KDELR3: variants seen among roughly 807,000 people sequenced by gnomAD.
KDELR3 encodes ER lumen protein-retaining receptor 3.
A neutral mutation model predicts 22.7 loss-of-function variants in KDELR3; 26 were observed. That is an observed-to-expected ratio of 1.15 (90% CI 0.84 to 1.59). KDELR3 has a LOEUF of 1.59. Among genes scored for constraint, KDELR3 ranks in the 40% most tolerant of loss-of-function variants. The probability of loss-of-function intolerance (pLI) is 0.00; values close to 1 mark genes in which losing one functional copy is unlikely to be tolerated. For synonymous variants in KDELR3, 120 were observed against 98.2 expected, an observed-to-expected ratio of 1.22 and a Z score of -1.31; for missense variants, 289 against 251.1, an observed-to-expected ratio of 1.15 and a Z score of -1.02.
At chr22:38,468,431 G>T (rs1302904948) in intron 1 of KDELR3, 107 bp downstream of exon 1, 3 of 851,124 alleles carry the variant, frequency 3.5e-6, no homozygotes, top group Non-Finnish European at 5.7e-6. Context: ...GGGGACTCCG[G>T]CGTGGGGGTC....
At chr22:38,470,962 C>T (rs756974336) in intron 1 of KDELR3, among the ~76,000 whole-genome samples, 3 of 151,958 alleles carry the variant, frequency 2.0e-5, no homozygotes, top group African/African-American at 7.3e-5. Flanking sequence ...TGGCACGTGG[C>T]GAAACCCCGT....
chr22:38,480,372 G>A (rs1021063968), intron 3 of KDELR3, among the ~76,000 whole-genome samples: 15 of 152,010 alleles, frequency 9.9e-5, no homozygotes, highest in African/African-American at 3.4e-4. Flanking sequence ...TCCAACTCCT[G>A]ACCTCAAGTG....
At chr22:38,478,534 C>CAA (rs138431) in intron 2 of KDELR3, among the ~76,000 whole-genome samples, 5,705 of 71,380 alleles carry the variant, frequency 0.08, 518 homozygotes, top group Middle Eastern at 0.12. Context: ...GACTCCATCT[C>CAA]AAAAAAAAAA....
Position 38,482,802 on chromosome 22 carries a change from A to G in KDELR3, c.*266A>G. ...GCAACAAGAAACCTTAAGGTGTCTT[A>G]CCGACGAAATAAAAAACATAAATGA... On this transcript the variant is annotated 3_prime_UTR_variant, in exon 5 of 5. Transcript: ENST00000216014. 1 of 472,432 alleles carries G rather than the reference A, an allele frequency of 2.1e-6. No homozygotes were observed. Among genetic ancestry groups the G allele is most frequent in the Non-Finnish European group, 3.7e-6 (1 of 267,486 alleles). The allele number at this position is 472,432 out of a possible 1,614,324, so 29.3% of individuals were successfully genotyped here. A position where few individuals can be genotyped will look rare whatever the true frequency, so the allele number is the denominator to read the frequency against.
intron 2 of KDELR3, 102 bp downstream of exon 2, chr22:38,474,725 G>A: frequency 1.1e-6 from 1 of 917,878 alleles, no homozygotes; most frequent in Non-Finnish European, 1.7e-6. Flanking sequence ...GCCGACCTGG[G>A]TTTGAATCCT....
At chr22:38,479,097 G>A (rs771889734) in intron 2 of KDELR3, among the ~76,000 whole-genome samples, 2 of 152,036 alleles carry the variant, frequency 1.3e-5, no homozygotes, top group Non-Finnish European at 2.9e-5. Flanking sequence ...AGGGATGTTA[G>A]CAGGCCATAA....
intron 1 of KDELR3, among the ~76,000 whole-genome samples, chr22:38,472,341 ATGG>A (rs1348989578): frequency 6.6e-6 from 1 of 151,880 alleles, no homozygotes; most frequent in Non-Finnish European, 1.5e-5. Context: ...GCCGGGCATG[ATGG>A]TGGGCGCCTG....
chr22:38,482,371 G>C, intron 4 of KDELR3, 125 bp from the exon 5 acceptor site: 1 of 775,566 alleles, frequency 1.3e-6, no homozygotes, highest in Non-Finnish European at 2.2e-6. Context: ...CTCCCCCTTT[G>C]CTTTAACAAT....
intron 3 of KDELR3, 106 bp downstream of exon 3, chr22:38,479,857 A>G (rs2145969784): frequency 1.0e-6 from 1 of 1,003,310 alleles, no homozygotes; most frequent in Admixed American, 2.2e-5. Flanking sequence ...ACCATTACTC[A>G]TGTATCTTTC....
Position 38,469,497 on chromosome 22 carries a change from G to A in KDELR3, c.91+1173G>A, listed in dbSNP as rs532065624. The stretch of plus-strand genomic sequence containing the variant: ...TTGGTGCAGACATGAGCAACAGTAC[G>A]GTGTGGAGGGAGTGGTTCTAGGCCT... On this transcript the variant is annotated intron_variant, in intron 1 of 4. Transcript: ENST00000216014. 5.9e-5 allele frequency among the ~76,000 whole-genome samples: 9 copies of A among 152,336 alleles called. No homozygotes were observed. In the South Asian group the frequency reaches 8.3e-4, roughly 14 times the overall value.
At chr22:38,481,541 A>G (rs1474285106) in intron 4 of KDELR3, 77 bp downstream of exon 4, 2 of 1,594,018 alleles carry the variant, frequency 1.3e-6, no homozygotes, top group South Asian at 2.3e-5. Flanking sequence ...TCCAGCAGAT[A>G]CAGATGTGAA....
At chr22:38,477,826 C>A (rs777279663) in intron 2 of KDELR3, among the ~76,000 whole-genome samples, 1 of 152,164 alleles carries the variant, frequency 6.6e-6, no homozygotes, top group Non-Finnish European at 1.5e-5. Context: ...CCCAAGTCAG[C>A]CTTGGGCATT....
intron 1 of KDELR3, among the ~76,000 whole-genome samples, chr22:38,470,769 T>C (rs541716835): frequency 1.3e-5 from 2 of 152,240 alleles, no homozygotes; most frequent in South Asian, 4.1e-4. Flanking sequence ...AGGCTCACAT[T>C]GTCCTCTGTG....
intron 2 of KDELR3, among the ~76,000 whole-genome samples, chr22:38,475,753 C>A (rs1312543038): frequency 6.6e-6 from 1 of 152,124 alleles, no homozygotes; most frequent in Non-Finnish European, 1.5e-5. Context: ...TGTGCCTCAG[C>A]CTCCCAAGTA....
intron 1 of KDELR3, among the ~76,000 whole-genome samples, chr22:38,473,278 A>T (rs1473111805): frequency 6.6e-6 from 1 of 151,750 alleles, no homozygotes; most frequent in Non-Finnish European, 1.5e-5. Context: ...TAATAATAAT[A>T]ATTAATAATA....
In KDELR3 at chr22:38,475,375, G is replaced by A. The variant is rs560597194; in HGVS notation, c.192+752G>A. 6.6e-5 allele frequency among the ~76,000 whole-genome samples: 10 copies of A among 152,234 alleles called. No individual in the cohort carries two copies. The East Asian group carries it at 1.9e-3, about 29-fold the overall frequency. ...CATCTGTGGTCCCAGCTACTCAGGA[G>A]GCTGAGGTGGGACAATCACCTGATC... On this transcript the variant is annotated intron_variant, in intron 2 of 4. Coordinates refer to ENST00000216014, the MANE Select transcript of KDELR3 (RefSeq NM_006855.4).
rs149510918 is a variant in KDELR3 at position 38,476,973 on chromosome 22, G to C, written c.192+2350G>C. ...CGCCCAGGGTGGAGTGCAGTGGCGC[G>C]ATCTCGGCTCATTGCAACCTCCACC... is the stretch of plus-strand genomic sequence containing the variant. On this transcript the variant is annotated intron_variant, in intron 2 of 4. Transcript: ENST00000216014. 5.5e-3 allele frequency among the ~76,000 whole-genome samples: 835 copies of C among 150,788 alleles called. 6 individuals carry two copies. The highest frequency in any genetic ancestry group is 0.02 in the African/African-American group (804 of 40,962).
intron 1 of KDELR3, among the ~76,000 whole-genome samples, chr22:38,473,162 C>T (rs1464264440): frequency 3.3e-5 from 5 of 152,102 alleles, no homozygotes; most frequent in Admixed American, 1.3e-4. Context: ...CGGTGGCTCA[C>T]GCCTATAATC....
In KDELR3 at chr22:38,479,665, G is replaced by A. The variant is rs752256020; in HGVS notation, c.265G>A (p.Glu89Lys). 2 of 1,614,050 alleles carry A rather than the reference G, an allele frequency of 1.2e-6. No homozygotes were observed. The highest frequency in any genetic ancestry group is 3.3e-5 in the Admixed American group (2 of 60,022). The change falls in exon 3 of 5, where the codon GAG becomes AAG. Residue 89 changes from glutamate (E) to lysine (K), a missense_variant. Glu to Lys is a moderately conservative substitution (Grantham distance 56). Transcript: ENST00000216014. Reference protein sequence around the residue: ...YGKFRKTFDSENDTFRLEFLL... With the variant: ...YGKFRKTFDSKNDTFRLEFLL... ...GAAATTCCGTAAAACTTTTGACAGTGAGAATGACACATTCCGCCTGGAGTT... is the reference window on the plus strand; with the variant it reads ...GAAATTCCGTAAAACTTTTGACAGTAAGAATGACACATTCCGCCTGGAGTT...
Sources: gnomAD v4.1 joint callset for allele counts (sites outside exome capture counted in the v4.1 genomes callset) on GRCh38, gnomAD v4.1.1 for gene constraint, MANE v1.5 for transcripts, NCBI Gene and HGNC (gene_info 2026-07-23, HGNC 2026-07-21) for gene names.